EPHA6: variants seen among roughly 807,000 people sequenced by gnomAD.
EPHA6 encodes EPH receptor A6.
Under a neutral mutation model 112.0 loss-of-function variants are expected in EPHA6, and 50 were observed. That is an observed-to-expected ratio of 0.45 (90% CI 0.36 to 0.56). EPHA6 has a LOEUF of 0.56. Among genes scored for constraint, EPHA6 ranks in the 20% least tolerant of loss-of-function variants. The pLI, the probability that EPHA6 is intolerant of heterozygous loss-of-function variation, is 0.00. For synonymous variants in EPHA6, 529 were observed against 490.7 expected (o/e 1.08, Z -1.03); for missense variants, 1,280 against 1,417.4 (o/e 0.90, Z 1.56).
intron 5 of EPHA6, among the ~76,000 whole-genome samples, chr3:97,370,377 A>G (rs1172825730): frequency 1.3e-5 from 2 of 152,212 alleles, no homozygotes; most frequent in African/African-American, 4.8e-5. Context: ...AAATTCTTGT[A>G]TAACATGGAA....
chr3:97,028,098 C>T (rs1488891823), intron 3 of EPHA6, among the ~76,000 whole-genome samples: 1 of 151,970 alleles, frequency 6.6e-6, no homozygotes, highest in Admixed American at 6.6e-5. Flanking sequence ...TAAAAGCATG[C>T]GGAGGGTAGG....
At chr3:97,097,510 C>T (rs1421588071) in intron 3 of EPHA6, among the ~76,000 whole-genome samples, 3 of 151,230 alleles carry the variant, frequency 2.0e-5, no homozygotes, top group East Asian at 3.9e-4. Context: ...TAAGTTGTAG[C>T]TGAATGACCC....
At chr3:96,862,208 T>A (rs1160591053) in intron 1 of EPHA6, among the ~76,000 whole-genome samples, 1 of 151,950 alleles carries the variant, frequency 6.6e-6, no homozygotes, top group African/African-American at 2.4e-5. Flanking sequence ...GGTCATGATG[T>A]TAGAAGTATT....
At chr3:97,238,333 T>TA (rs2078740216) in intron 4 of EPHA6, among the ~76,000 whole-genome samples, 1 of 151,956 alleles carries the variant, frequency 6.6e-6, no homozygotes, top group Non-Finnish European at 1.5e-5. Context: ...ACTAGGCTCT[T>TA]AAAAAATTAT....
chr3:96,814,790 A>G lies in EPHA6; in HGVS notation c.167A>G (p.Glu56Gly), dbSNP rs1017623507. The G allele has an allele frequency of 1.1e-5, 17 of 1,601,862 alleles. No individual in the cohort carries two copies. The highest frequency in any genetic ancestry group is 1.4e-5 in the Non-Finnish European group (17 of 1,173,380). The change falls in exon 1 of 18, where the codon GAG becomes GGG. Residue 56 changes from glutamate to glycine, a missense_variant. Glu to Gly is a moderately conservative substitution (Grantham distance 98). Around this residue, in one of 4 missense-constraint regions of EPHA6, gnomAD observed 220 missense variants for 171.5 expected, o/e 1.28. Transcript: ENST00000389672. ...ACACCCCCTGCGGGCCGGGTGGAGG[A>G]GGAAGAGGAGGAGGAGGAAGAAGAC... is the stretch of plus-strand genomic sequence containing the variant. ...PGTPPAGRVE[E>G]EEEEEEEDVD...
At chr3:97,511,608 C>T (rs2107592519) in intron 10 of EPHA6, among the ~76,000 whole-genome samples, 1 of 151,942 alleles carries the variant, frequency 6.6e-6, no homozygotes, top group East Asian at 1.9e-4. Context: ...GAGCTGCAGA[C>T]CGGAGCTGTT....
intron 14 of EPHA6, among the ~76,000 whole-genome samples, chr3:97,711,251 C>G (rs1293704027): frequency 1.3e-5 from 2 of 152,110 alleles, no homozygotes; most frequent in Admixed American, 6.5e-5. Flanking sequence ...CTCCTCCTTG[C>G]CTTCCACCAT....
At chr3:96,874,443 C>T (rs944526599) in intron 2 of EPHA6, among the ~76,000 whole-genome samples, 4 of 151,976 alleles carry the variant, frequency 2.6e-5, no homozygotes, top group African/African-American at 4.8e-5. Flanking sequence ...GTGTCTTTTA[C>T]ATGTCTGTTA....
intron 11 of EPHA6, among the ~76,000 whole-genome samples, chr3:97,545,455 T>C (rs548439625): frequency 6.6e-6 from 1 of 152,338 alleles, no homozygotes; most frequent in South Asian, 2.1e-4. Flanking sequence ...TCTATTCTTT[T>C]ACATTTGCTG....
intron 3 of EPHA6, among the ~76,000 whole-genome samples, chr3:97,055,037 G>T (rs890934913): frequency 6.6e-6 from 1 of 152,058 alleles, no homozygotes; most frequent in African/African-American, 2.4e-5. Context: ...TGGGAACTGG[G>T]CCAACACATT....
At chr3:97,264,006 A>T (rs891516131) in intron 5 of EPHA6, among the ~76,000 whole-genome samples, 2 of 152,230 alleles carry the variant, frequency 1.3e-5, no homozygotes, top group African/African-American at 4.8e-5. Flanking sequence ...CCTAGAATCT[A>T]ACTTTTTTCT....
At chr3:97,703,345 T>C (rs1456174680) in intron 14 of EPHA6, among the ~76,000 whole-genome samples, 2 of 152,212 alleles carry the variant, frequency 1.3e-5, no homozygotes, top group Non-Finnish European at 2.9e-5. Context: ...ATGTTATTTT[T>C]AAAAACAGCA....
At chr3:97,161,890 T>C (rs1306642669) in intron 3 of EPHA6, among the ~76,000 whole-genome samples, 2 of 152,174 alleles carry the variant, frequency 1.3e-5, no homozygotes, top group Non-Finnish European at 2.9e-5. Context: ...AACTAAATTA[T>C]TACATGAGGC....
At chr3:96,847,564 T>C (rs1266886209) in intron 1 of EPHA6, among the ~76,000 whole-genome samples, 3 of 151,804 alleles carry the variant, frequency 2.0e-5, no homozygotes, top group African/African-American at 7.3e-5. Context: ...TATGCTTAAA[T>C]AAACAGGTAT....
At chr3:97,412,360 G>A (rs895539110) in intron 6 of EPHA6, among the ~76,000 whole-genome samples, 2 of 151,950 alleles carry the variant, frequency 1.3e-5, no homozygotes, top group Non-Finnish European at 2.9e-5. Flanking sequence ...TTTAAATTCA[G>A]TTTCACATTC....
chr3:97,600,700 T>G (rs1307878663), intron 12 of EPHA6, among the ~76,000 whole-genome samples: 1 of 152,026 alleles, frequency 6.6e-6, no homozygotes, highest in African/African-American at 2.4e-5. Flanking sequence ...TCCTAAAGTT[T>G]GCACACAAAG....
chr3:97,035,921 G>A (rs921096459), intron 3 of EPHA6, among the ~76,000 whole-genome samples: 1 of 151,784 alleles, frequency 6.6e-6, no homozygotes, highest in African/African-American at 2.4e-5. Flanking sequence ...TTGGAGGTGG[G>A]GCCTTTAAGA....
intron 3 of EPHA6, among the ~76,000 whole-genome samples, chr3:97,012,780 A>G (rs1199462663): frequency 6.6e-6 from 1 of 151,544 alleles, no homozygotes; most frequent in Admixed American, 6.6e-5. Context: ...TGACTTTTTA[A>G]TAATAGCCCT....
At chr3:97,376,512 T>G (rs2085368352) in intron 5 of EPHA6, among the ~76,000 whole-genome samples, 1 of 152,196 alleles carries the variant, frequency 6.6e-6, no homozygotes, top group African/African-American at 2.4e-5. Flanking sequence ...ATCAGAAAGA[T>G]TCTCTAAATC....
Sources: allele counts gnomAD v4.1 joint callset (sites outside exome capture counted in the v4.1 genomes callset), GRCh38; gene constraint gnomAD v4.1.1; regional missense constraint gnomAD v4.1.1; transcripts MANE v1.5; gene names NCBI Gene and HGNC (gene_info 2026-07-23, HGNC 2026-07-21).